Variants in PIRT observed in about 807,000 individuals in gnomAD.
PIRT encodes phosphoinositide interacting regulator of transient receptor potential channels, also known as phosphoinositide-interacting protein.
In PIRT, 6 loss-of-function variants were observed where a neutral mutation model predicts 7.9. That is an observed-to-expected ratio of 0.76 (90% confidence interval 0.42 to 1.51). PIRT has a LOEUF of 1.51. Ranked by LOEUF, PIRT falls within the 40% of genes most tolerant of loss-of-function variation. The pLI, the probability that PIRT is intolerant of heterozygous loss-of-function variation, is 0.01. For missense variants in PIRT, 170 were observed against 172.9 expected, an observed-to-expected ratio of 0.98 and a Z score of 0.09; for synonymous variants, 78 against 71.8, an observed-to-expected ratio of 1.09 and a Z score of -0.44.
intron 1 of PIRT, among the ~76,000 whole-genome samples, chr17:10,836,086 A>G (rs1325817324): frequency 1.3e-5 from 2 of 152,220 alleles, no homozygotes; most frequent in East Asian, 3.9e-4. Context: ...AATTTTTAGT[A>G]GAGACGGGAT....
At position 10,823,270 on chromosome 17, in the gene PIRT, A is replaced by C. The variant is rs879562657; in HGVS notation, c.*1962T>G. 3 of 152,260 alleles carry C rather than the reference A, an allele frequency of 2.0e-5. No homozygotes were observed. Among genetic ancestry groups the C allele is most frequent in the Non-Finnish European group, 2.9e-5 (2 of 68,062 alleles). 9.4% of individuals were successfully genotyped at this position (152,260 alleles called of 1,614,324 possible). On this transcript the variant is annotated 3_prime_UTR_variant, in exon 2 of 2. Coordinates refer to ENST00000580256, the MANE Select transcript of PIRT (RefSeq NM_001101387.2). Reference sequence around the variant, plus strand: ...AGATTGGTCCTGACCACCTGTGTGCAGGGCTAGAGGTGAGCTAGAGACATG... The same window carrying C: ...AGATTGGTCCTGACCACCTGTGTGCCGGGCTAGAGGTGAGCTAGAGACATG...
At chr17:10,830,244 G>C (rs541440725) in intron 1 of PIRT, among the ~76,000 whole-genome samples, 102 of 152,296 alleles carry the variant, frequency 6.7e-4, no homozygotes, top group Non-Finnish European at 1.2e-3. Flanking sequence ...TCTATAAACA[G>C]AAGCAGGCAG....
Position 10,822,707 on chromosome 17 carries a change from C to G in PIRT, c.*2525G>C, listed in dbSNP as rs1905232727. On this transcript the variant is annotated 3_prime_UTR_variant, in exon 2 of 2. Coordinates refer to ENST00000580256, the MANE Select transcript of PIRT (RefSeq NM_001101387.2). The stretch of plus-strand genomic sequence containing the variant: ...ATTTCCAGATCAGGTGCATCCGTAC[C>G]TCAGCCTTCCATGGGGTAACAGGCA... The G allele has an allele frequency of 6.6e-6, 1 of 152,152 alleles. No homozygotes were observed. Among genetic ancestry groups the G allele is most frequent in the Non-Finnish European group, 1.5e-5 (1 of 68,042 alleles). The allele number at this position is 152,152 out of a possible 1,614,324, so 9.4% of individuals were successfully genotyped here.
chr17:10,826,660 T>A (rs1659091003), intron 1 of PIRT, among the ~76,000 whole-genome samples: 1 of 152,202 alleles, frequency 6.6e-6, no homozygotes, highest in African/African-American at 2.4e-5. Flanking sequence ...AGCAACTTCT[T>A]GAAGATCACA....
intron 1 of PIRT, among the ~76,000 whole-genome samples, chr17:10,831,169 G>A (rs546083305): frequency 6.6e-6 from 1 of 152,252 alleles, no homozygotes; most frequent in East Asian, 1.9e-4. Flanking sequence ...CTGCAGCTCT[G>A]TCGGGGACAA....
At chr17:10,832,432 A>T (rs1240811811) in intron 1 of PIRT, among the ~76,000 whole-genome samples, 4 of 152,046 alleles carry the variant, frequency 2.6e-5, no homozygotes, top group Non-Finnish European at 5.9e-5. Context: ...ACCTCACGTG[A>T]TCCGCCCACC....
At chr17:10,836,460 G>GT (rs1269078194) in intron 1 of PIRT, among the ~76,000 whole-genome samples, 3 of 152,194 alleles carry the variant, frequency 2.0e-5, no homozygotes, top group Admixed American at 6.5e-5. Flanking sequence ...ACAACGGATA[G>GT]TTTTTTTCAT....
intron 1 of PIRT, among the ~76,000 whole-genome samples, chr17:10,826,249 C>T (rs1905311395): frequency 6.6e-6 from 1 of 152,216 alleles, no homozygotes; most frequent in Non-Finnish European, 1.5e-5. Context: ...CAGGCATGAG[C>T]CACCGCACCC....
chr17:10,828,925 C>T (rs541594307), intron 1 of PIRT, among the ~76,000 whole-genome samples: 2 of 152,362 alleles, frequency 1.3e-5, no homozygotes, highest in East Asian at 3.9e-4. Flanking sequence ...TCTCTGCTTC[C>T]TAAGACTCTG....
At chr17:10,837,065 G>A (rs931271432) in intron 1 of PIRT, among the ~76,000 whole-genome samples, 6 of 152,162 alleles carry the variant, frequency 3.9e-5, no homozygotes, top group Non-Finnish European at 8.8e-5. Flanking sequence ...GAGGGTTTCT[G>A]AGTAAGCCGC....
chr17:10,837,298 GCA>G (rs531782912), intron 1 of PIRT, among the ~76,000 whole-genome samples: 7 of 152,344 alleles, frequency 4.6e-5, no homozygotes, highest in Non-Finnish European at 1.0e-4. Context: ...GGTTCTCACG[GCA>G]CACAGTTGCC....
chr17:10,827,427 C>T lies in PIRT; in HGVS notation c.-138-1644G>A, dbSNP rs57319378. ...TGCTTTCTCAAATTCTTTTCATGTC[C>T]GATTAAAGCATTTCTTTCTTTTCTT... On this transcript the variant is annotated intron_variant, in intron 1 of 1. Transcript: ENST00000580256. 6.8e-3 allele frequency among the ~76,000 whole-genome samples: 980 copies of T among 144,668 alleles called. 17 individuals carry two copies. The highest frequency in any genetic ancestry group is 0.024 in the African/African-American group (916 of 37,832). The allele number at this position is 144,668 out of a possible 152,430, so 94.9% of individuals were successfully genotyped here. A position where few individuals can be genotyped will look rare whatever the true frequency, so the allele number is the denominator to read the frequency against.
intron 1 of PIRT, among the ~76,000 whole-genome samples, chr17:10,828,839 C>G (rs1310438136): frequency 6.6e-6 from 1 of 152,200 alleles, no homozygotes; most frequent in African/African-American, 2.4e-5. Context: ...TTACAGATCC[C>G]TCACCATTAA....
In PIRT at chr17:10,825,572, C is replaced by A; in HGVS notation, c.74G>T (p.Ser25Ile). Residue 25 changes from serine to isoleucine, a missense_variant, in exon 2 of 2, where the codon AGC becomes ATC. By Grantham distance (142) the Ser-to-Ile change is moderately radical (BLOSUM62 -2). Coordinates refer to ENST00000580256, the MANE Select transcript of PIRT (RefSeq NM_001101387.2). ...GATGCACAGGGAGCTGGCGGTCTGG[C>A]TGGGCAGCAGGTCCTTGGCTTCTGG... ...KSPEAKDLLP[S>I]QTASSLCISS... The A allele has an allele frequency of 6.3e-7, 1 of 1,586,460 alleles. No individual in the cohort carries two copies. Among genetic ancestry groups the A allele is most frequent in the Non-Finnish European group, 8.6e-7 (1 of 1,165,954 alleles).
intron 1 of PIRT, among the ~76,000 whole-genome samples, chr17:10,831,765 A>G (rs1905467834): frequency 6.6e-6 from 1 of 152,242 alleles, no homozygotes; most frequent in Admixed American, 6.5e-5. Flanking sequence ...CAGACTGGGC[A>G]AGGACTGAGG....
rs1039924252 is a variant in PIRT at position 10,825,036 on chromosome 17, GAGATCA to G, written c.*190_*195del. 3.3e-5 allele frequency: 23 copies of G among 698,614 alleles called. No individual in the cohort carries two copies. The African/African-American group carries it at 4.0e-4, about 12-fold the overall frequency. 43.3% of individuals were successfully genotyped at this position (698,614 alleles called of 1,614,324 possible). ...ATCCAAGGAAGCATCAGTCAGAATA[GAGATCA>G]AGTGGATACATCTGGCAACATTCCC... On this transcript the variant is annotated 3_prime_UTR_variant, in exon 2 of 2. Coordinates refer to ENST00000580256, the MANE Select transcript of PIRT (RefSeq NM_001101387.2).
chr17:10,835,017 G>A (rs1905554210), intron 1 of PIRT, among the ~76,000 whole-genome samples: 1 of 151,930 alleles, frequency 6.6e-6, no homozygotes, highest in Admixed American at 6.6e-5. Flanking sequence ...TTACAGCCAG[G>A]TGTTAGGATG....
chr17:10,828,186 C>T (rs923528960), intron 1 of PIRT, among the ~76,000 whole-genome samples: 9 of 152,198 alleles, frequency 5.9e-5, no homozygotes, highest in South Asian at 2.1e-4. Context: ...TAAGCTCAGG[C>T]GGTTGCTGCT....
chr17:10,828,870 A>T (rs1016633723), intron 1 of PIRT, among the ~76,000 whole-genome samples: 2 of 152,360 alleles, frequency 1.3e-5, no homozygotes, highest in Non-Finnish European at 2.9e-5. Flanking sequence ...TAGGAGTTGT[A>T]ACCAAGGCCT....
Sources: gnomAD v4.1 joint callset for allele counts (sites outside exome capture counted in the v4.1 genomes callset) on GRCh38, gnomAD v4.1.1 for gene constraint, MANE v1.5 for transcripts, NCBI Gene and HGNC (gene_info 2026-07-23, HGNC 2026-07-21) for gene names.